DCHS2: variants seen among roughly 807,000 people sequenced by gnomAD.
DCHS2 encodes dachsous cadherin-related 2, also known as protocadherin-23.
Under a neutral mutation model 182.4 loss-of-function variants are expected in DCHS2, and 142 were observed. That is an observed-to-expected ratio of 0.78 (90% CI 0.68 to 0.89). The LOEUF (loss-of-function observed/expected upper bound fraction) is 0.89, where lower values mean the gene tolerates loss of function less well. Ranked by LOEUF, DCHS2 falls within the 40% of genes least tolerant of loss-of-function variation. DCHS2 has a pLI of 0.00. For missense variants in DCHS2, 4,319 were observed against 4,198.6 expected, an observed-to-expected ratio of 1.03 and a Z score of -0.79; for synonymous variants, 1,740 against 1,663.3, an observed-to-expected ratio of 1.05 and a Z score of -1.12.
At chr4:154,264,300 G>T (rs1319643398) in intron 14 of DCHS2, among the ~76,000 whole-genome samples, 4 of 152,052 alleles carry the variant, frequency 2.6e-5, no homozygotes, top group African/African-American at 7.2e-5. Context: ...AACATCAAAG[G>T]CTTCAGATGC....
At chr4:154,382,468 T>G (rs1292713604) in intron 1 of DCHS2, among the ~76,000 whole-genome samples, 2 of 151,950 alleles carry the variant, frequency 1.3e-5, no homozygotes, top group African/African-American at 2.4e-5. Context: ...CAAAAGCAAT[T>G]GCAACCAAAA....
At chr4:154,283,291 T>C (rs11099947) in intron 13 of DCHS2, among the ~76,000 whole-genome samples, 11,763 of 152,180 alleles carry the variant, frequency 0.077, 1,145 homozygotes, top group African/African-American at 0.23. Flanking sequence ...AGACAAAGCA[T>C]GGAAAATGTA....
chr4:154,294,367 T>A (rs1159060430), intron 13 of DCHS2, among the ~76,000 whole-genome samples: 1 of 152,186 alleles, frequency 6.6e-6, no homozygotes, highest in East Asian at 1.9e-4. Flanking sequence ...CCTTCAATAG[T>A]TAAAGATGTA....
At chr4:154,255,740 A>G in intron 15 of DCHS2, 70 bp from the exon 16 acceptor site, 1 of 1,470,722 alleles carries the variant, frequency 6.8e-7, no homozygotes, top group Non-Finnish European at 9.0e-7. Context: ...TTTTTCAGAG[A>G]CATGCATTAA....
At chr4:154,349,480 T>C (rs1342038474) in intron 3 of DCHS2, among the ~76,000 whole-genome samples, 3 of 152,226 alleles carry the variant, frequency 2.0e-5, no homozygotes, top group Non-Finnish European at 4.4e-5. Flanking sequence ...CTATAAATTT[T>C]ATTTAACAAC....
intron 16 of DCHS2, among the ~76,000 whole-genome samples, chr4:154,251,169 T>G (rs774158864): frequency 2.0e-5 from 3 of 152,272 alleles, no homozygotes; most frequent in Non-Finnish European, 4.4e-5. Context: ...CCAGTCATAA[T>G]GAGCATTCAA....
intron 1 of DCHS2, among the ~76,000 whole-genome samples, chr4:154,442,562 C>CA (rs1734084992): frequency 8.2e-6 from 1 of 122,300 alleles, no homozygotes; most frequent in African/African-American, 3.0e-5. Context: ...CACACACACA[C>CA]CAGGACATTG....
intron 1 of DCHS2, among the ~76,000 whole-genome samples, chr4:154,385,518 G>A (rs1418149457): frequency 6.6e-6 from 1 of 152,042 alleles, no homozygotes; most frequent in Non-Finnish European, 1.5e-5. Flanking sequence ...CACAATGGTT[G>A]AACTCCATCT....
chr4:154,356,955 C>G (rs191095397), intron 3 of DCHS2, among the ~76,000 whole-genome samples: 2 of 152,192 alleles, frequency 1.3e-5, no homozygotes, highest in East Asian at 3.9e-4. Context: ...GTTGGCTTCT[C>G]TCTTTCCTTA....
In DCHS2 at chr4:154,235,384, T is replaced by C; in HGVS notation, c.9268A>G (p.Asn3090Asp). 6.2e-7 allele frequency: 1 copy of C among 1,614,064 alleles called. No individual in the cohort carries two copies. Among genetic ancestry groups the C allele is most frequent in the Non-Finnish European group, 8.5e-7 (1 of 1,179,968 alleles). Residue 3090 changes from asparagine to aspartate, a missense_variant, in exon 20 of 20, where the codon AAC becomes GAC. Coordinates refer to ENST00000357232, the MANE Select transcript of DCHS2 (RefSeq NM_001358235.2). Reference protein sequence around the residue: ...KDIVNLYRHSNSSGHCSVEGE... With the variant: ...KDIVNLYRHSDSSGHCSVEGE... ...TCCACAGAACAGTGGCCACTGGAGT[T>C]TGAGTGTCTGTACAGATTGACAATA...
At chr4:154,413,216 T>A (rs1358932032) in intron 1 of DCHS2, among the ~76,000 whole-genome samples, 2 of 152,216 alleles carry the variant, frequency 1.3e-5, no homozygotes, top group Non-Finnish European at 2.9e-5. Flanking sequence ...CCTTTCCAAC[T>A]ATTAACAATC....
chr4:154,395,555 T>A (rs919073647), intron 1 of DCHS2, among the ~76,000 whole-genome samples: 1 of 152,224 alleles, frequency 6.6e-6, no homozygotes, highest in Non-Finnish European at 1.5e-5. Context: ...AGAGAGACCA[T>A]CTCTGTATCC....
intron 1 of DCHS2, among the ~76,000 whole-genome samples, chr4:154,401,742 C>T (rs1732191199): frequency 6.6e-6 from 1 of 152,198 alleles, no homozygotes; most frequent in Admixed American, 6.5e-5. Context: ...CCTGTAATCC[C>T]AGCACTTTGG....
intron 1 of DCHS2, among the ~76,000 whole-genome samples, chr4:154,480,923 G>T (rs1735895626): frequency 6.6e-6 from 1 of 151,992 alleles, no homozygotes; most frequent in Non-Finnish European, 1.5e-5. Context: ...CCACTGCCTG[G>T]CCTAATATTC....
In DCHS2 at chr4:154,298,460, C is replaced by T. The variant is rs140047064; in HGVS notation, c.5854G>A (p.Val1952Ile). The T allele has an allele frequency of 4.3e-6, 7 of 1,614,052 alleles. No homozygotes were observed. Among genetic ancestry groups the T allele is most frequent in the Admixed American group, 1.7e-5 (1 of 60,004 alleles). Residue 1952 changes from valine (V) to isoleucine (I), a missense_variant, in exon 13 of 20, where the codon GTT (valine) becomes ATT (isoleucine). Physicochemically the swap from Val to Ile is conservative, Grantham distance 29. Transcript: ENST00000357232. ...VREDAEVGTV[V>I]LVLSAVDKDE... Reference sequence around the variant, plus strand: ...TTGTCCACAGCTGAAAGCACAAGAACCACTGTTCCCACTTCAGCATCTTCT... The same window carrying T: ...TTGTCCACAGCTGAAAGCACAAGAATCACTGTTCCCACTTCAGCATCTTCT...
intron 13 of DCHS2, among the ~76,000 whole-genome samples, chr4:154,274,390 C>T (rs955159716): frequency 6.6e-6 from 1 of 152,068 alleles, no homozygotes; most frequent in African/African-American, 2.4e-5. Context: ...TTGTTTCTAA[C>T]CCTTTTGGCA....
rs184598773 is a variant in DCHS2 at position 154,448,114 on chromosome 4, T to G, written c.2052+41190A>C. On this transcript the variant is annotated intron_variant, in intron 1 of 19. Transcript: ENST00000357232. ...AGCCTCTGAGGCTGCTTTCCCTCCC[T>G]GCTTCCGCATTCCCTCTTCCATGGC... is the stretch of plus-strand genomic sequence containing the variant. Among the ~76,000 whole-genome samples, 326 of 152,266 alleles carry G rather than the reference T, an allele frequency of 2.1e-3. 2 individuals are homozygous for G. Among genetic ancestry groups the G allele is most frequent in the African/African-American group, 7.2e-3 (298 of 41,566 alleles).
intron 15 of DCHS2, among the ~76,000 whole-genome samples, chr4:154,258,686 T>C (rs193163662): frequency 6.6e-6 from 1 of 152,082 alleles, no homozygotes; most frequent in Non-Finnish European, 1.5e-5. Flanking sequence ...TTTTATATAA[T>C]GAGGTGAAGG....
chr4:154,472,313 G>C (rs950080888), intron 1 of DCHS2, among the ~76,000 whole-genome samples: 1 of 152,110 alleles, frequency 6.6e-6, no homozygotes, highest in Non-Finnish European at 1.5e-5. Flanking sequence ...GGTTCCAATT[G>C]TTTCTTTTTA....
Sources: allele counts gnomAD v4.1 joint callset (sites outside exome capture counted in the v4.1 genomes callset), GRCh38; gene constraint gnomAD v4.1.1; transcripts MANE v1.5; gene names NCBI Gene and HGNC (gene_info 2026-07-23, HGNC 2026-07-21).